Variants in CD300LF observed in about 807,000 individuals in gnomAD.
The protein encoded by CD300LF is CMRF35-like molecule 1.
Under a neutral mutation model 32.2 loss-of-function variants are expected in CD300LF, and 27 were observed. The observed-to-expected ratio is 0.84, with a 90% CI of 0.62 to 1.15. The LOEUF is 1.15. CD300LF is among the 50% of genes most tolerant of loss of function. CD300LF has a pLI of 0.00. For synonymous variants in CD300LF, 139 were observed against 143.2 expected (o/e 0.97, Z 0.21); for missense variants, 348 against 356.8 (o/e 0.98, Z 0.20).
At chr17:74,711,906 C>CTTTTTTTTTTTTTTTTTTTTTTTTTTT (rs71361629) in intron 1 of CD300LF, among the ~76,000 whole-genome samples, 2 of 123,668 alleles carry the variant, frequency 1.6e-5, no homozygotes, top group Non-Finnish European at 3.4e-5. Context: ...TTTCTTTTTT[C>CTTTTTTTTTTTTTTTTTTTTTTTTTTT]TTTTTTTTTT....
chr17:74,696,575 C>A (rs1303593917), intron 4 of CD300LF, among the ~76,000 whole-genome samples: 3 of 152,224 alleles, frequency 2.0e-5, no homozygotes, highest in South Asian at 4.1e-4. Flanking sequence ...TGTCTCTCTA[C>A]CTGATTCATC....
intron 1 of CD300LF, among the ~76,000 whole-genome samples, chr17:74,709,736 G>T (rs1221906624): frequency 6.6e-6 from 1 of 151,820 alleles, no homozygotes; most frequent in East Asian, 1.9e-4. Context: ...ACCATACCAG[G>T]CTAGTATTTT....
intron 1 of CD300LF, among the ~76,000 whole-genome samples, chr17:74,710,824 G>A (rs777663854): frequency 4.6e-5 from 7 of 151,464 alleles, no homozygotes; most frequent in Admixed American, 1.3e-4. Context: ...CCAAGATCGC[G>A]CCACTGCACT....
At chr17:74,695,305 G>C (rs914269465) in intron 6 of CD300LF, 54 bp from the exon 7 acceptor site, 1 of 1,602,948 alleles carries the variant, frequency 6.2e-7, no homozygotes, top group Non-Finnish European at 8.5e-7. Flanking sequence ...TGACGGTCAC[G>C]GGGCAGAGGA....
intron 1 of CD300LF, among the ~76,000 whole-genome samples, chr17:74,705,940 G>T (rs2143805264): frequency 6.6e-6 from 1 of 152,246 alleles, no homozygotes; most frequent in Non-Finnish European, 1.5e-5. Context: ...CATGTCCTTT[G>T]CAGCAACATG....
chr17:74,702,009 A>C (rs2033096591), intron 3 of CD300LF, among the ~76,000 whole-genome samples: 1 of 151,908 alleles, frequency 6.6e-6, no homozygotes, highest in African/African-American at 2.4e-5. Context: ...CTACAGAGCA[A>C]GACTGTCTAA....
rs760947857 is a variant in CD300LF, at chr17:74,698,434, A to G, written c.494T>C (p.Ile165Thr). The part of the protein sequence containing the change: ...LSVLLPLIFT[I>T]LLLLLVAASL... The stretch of plus-strand genomic sequence containing the variant: ...GGCGGCCACCAAAAGCAGCAGCAAT[A>G]TGGTGAAGATGAGGGGCAGGAGGAC... The change falls in exon 4 of 7, where the codon ATA becomes ACA. Residue 165 changes from isoleucine (I) to threonine (T), a missense_variant. Ile to Thr is a moderately conservative substitution (Grantham distance 89). Coordinates refer to ENST00000326165, the MANE Select transcript of CD300LF (RefSeq NM_139018.5). 3.7e-6 allele frequency: 6 copies of G among 1,614,024 alleles called. No individual in the cohort carries two copies. Among genetic ancestry groups the G allele is most frequent in the East Asian group, 4.5e-5 (2 of 44,872 alleles).
intron 3 of CD300LF, 36 bp from the exon 4 acceptor site, chr17:74,698,517 C>A (rs1380642448): frequency 6.3e-7 from 1 of 1,583,546 alleles, no homozygotes; most frequent in East Asian, 2.3e-5. Context: ...GCATCCCAGG[C>A]TCACCACCTG....
chr17:74,703,713 G>A (rs1192981487), intron 2 of CD300LF, among the ~76,000 whole-genome samples: 1 of 152,196 alleles, frequency 6.6e-6, no homozygotes, highest in Non-Finnish European at 1.5e-5. Flanking sequence ...GAGGCTCCGG[G>A]TGCAACCTGG....
At chr17:74,702,458 A>G (rs572962513) in intron 3 of CD300LF, among the ~76,000 whole-genome samples, 1 of 152,346 alleles carries the variant, frequency 6.6e-6, no homozygotes, top group South Asian at 2.1e-4. Context: ...GTCAAAGAAA[A>G]CAAAATAATG....
At chr17:74,711,905 TC>T (rs372649479) in intron 1 of CD300LF, among the ~76,000 whole-genome samples, 58 of 147,622 alleles carry the variant, frequency 3.9e-4, no homozygotes, top group African/African-American at 1.1e-3. Context: ...TTTTCTTTTT[TC>T]TTTTTTTTTT....
intron 4 of CD300LF, among the ~76,000 whole-genome samples, chr17:74,697,364 G>A (rs2032593626): frequency 6.6e-6 from 1 of 152,124 alleles, no homozygotes; most frequent in Non-Finnish European, 1.5e-5. Context: ...AAAGAAATGG[G>A]GGGTTTTCCC....
At position 74,695,126 on chromosome 17, in the gene CD300LF, G is replaced by C. The variant is rs1199477871; in HGVS notation, c.843C>G (p.Pro281=). The change falls in exon 7 of 7, where the codon CCC becomes CCG. Residue 281 remains proline (P), a synonymous_variant. Coordinates refer to ENST00000326165, the MANE Select transcript of CD300LF (RefSeq NM_139018.5). ...GCCTGCTGATGGTGCTGTATTCCGT[G>C]GGCTCCTCAGGGCCCCTGCCGGGGA... ...SHLPGRGPEE[P]TEYSTISRP The C allele has an allele frequency of 1.9e-6, 3 of 1,614,002 alleles. No individual in the cohort carries two copies. The African/African-American group carries it at 4.0e-5, about 22-fold the overall frequency.
intron 2 of CD300LF, 31 bp downstream of exon 2, chr17:74,704,447 G>C (rs746213788): frequency 6.7e-7 from 1 of 1,487,776 alleles, no homozygotes; most frequent in East Asian, 2.3e-5. Flanking sequence ...CAGGCCCTGA[G>C]AGACACACAC....
chr17:74,695,207 C>A lies in CD300LF; in HGVS notation c.762G>T (p.Leu254Phe), dbSNP rs2032313180. ...KEDISYASLTLGAEDQEPTYC... is the reference protein window; with the variant it reads ...KEDISYASLTFGAEDQEPTYC... ...AGGTCGGTTCCTGATCCTCAGCACC[C>A]AAGGTCAGAGATGCATAGGAAATGT... Residue 254 changes from leucine (L) to phenylalanine (F), a missense_variant, in exon 7 of 7, where the codon TTG becomes TTT. Leu to Phe is a conservative substitution (Grantham distance 22). Coordinates refer to ENST00000326165, the MANE Select transcript of CD300LF (RefSeq NM_139018.5). 1.2e-6 allele frequency: 2 copies of A among 1,614,046 alleles called. No individual in the cohort carries two copies. The highest frequency in any genetic ancestry group is 2.2e-5 in the South Asian group (2 of 91,080).
intron 6 of CD300LF, among the ~76,000 whole-genome samples, 197 bp from the exon 7 acceptor site, chr17:74,695,448 C>T (rs1860165404): frequency 6.6e-6 from 1 of 152,204 alleles, no homozygotes; most frequent in South Asian, 2.1e-4. Flanking sequence ...CCCAACCCTG[C>T]ACCAGTGCAG....
chr17:74,699,901 GAGGCTGAAGT>G (rs1204649825), intron 3 of CD300LF, among the ~76,000 whole-genome samples: 1 of 152,054 alleles, frequency 6.6e-6, no homozygotes, highest in Non-Finnish European at 1.5e-5. Flanking sequence ...AGCAACTTGG[GAGGCTGAAGT>G]AGGCAGGTCA....
At chr17:74,700,480 C>T (rs1480479363) in intron 3 of CD300LF, among the ~76,000 whole-genome samples, 1 of 152,184 alleles carries the variant, frequency 6.6e-6, no homozygotes, top group Non-Finnish European at 1.5e-5. Context: ...GTGGCTTACA[C>T]CTGTAATCCC....
chr17:74,703,321 G>C (rs951915786), intron 2 of CD300LF, among the ~76,000 whole-genome samples: 8 of 152,134 alleles, frequency 5.3e-5, no homozygotes, highest in Non-Finnish European at 1.2e-4. Context: ...AGCCTCATAG[G>C]CAGGTGGGGC....
Sources: gnomAD v4.1 joint callset for allele counts (sites outside exome capture counted in the v4.1 genomes callset) on GRCh38, gnomAD v4.1.1 for gene constraint, MANE v1.5 for transcripts, NCBI Gene and HGNC (gene_info 2026-07-23, HGNC 2026-07-21) for gene names.